Variants in NKTR observed in about 807,000 individuals in gnomAD.
The protein encoded by NKTR is NK-tumor recognition protein.
Under a neutral mutation model 156.3 loss-of-function variants are expected in NKTR, and 67 were observed. The observed-to-expected ratio is 0.43, with a 90% CI of 0.35 to 0.53. The LOEUF is 0.53. Ranked by LOEUF, NKTR falls within the 20% of genes least tolerant of loss-of-function variation. The probability of loss-of-function intolerance (pLI) is 0.01; values close to 1 mark genes in which losing one functional copy is unlikely to be tolerated. For synonymous variants in NKTR, 640 were observed against 596.6 expected (o/e 1.07, Z -1.06); for missense variants, 1,604 against 1,730.9 (o/e 0.93, Z 1.30).
In NKTR at chr3:42,645,979, C is replaced by A. The variant is rs200060605; in HGVS notation, c.*4C>A. On this transcript the variant is annotated 3_prime_UTR_variant, in exon 17 of 17. Transcript: ENST00000232978. Reference sequence around the variant, plus strand: ...TGAGAGCAGCAGATACAGTTGAAAACGTCCGGATACAAATTATATCTTATT... The same window carrying A: ...TGAGAGCAGCAGATACAGTTGAAAAAGTCCGGATACAAATTATATCTTATT... 2 of 1,602,530 alleles carry A rather than the reference C, an allele frequency of 1.2e-6. No homozygotes were observed. The highest frequency in any genetic ancestry group is 1.3e-5 in the African/African-American group (1 of 74,808).
chr3:42,627,050 A>G, intron 6 of NKTR: 3 of 511,030 alleles, frequency 5.9e-6, no homozygotes, highest in South Asian at 8.5e-5. Flanking sequence ...AAGAAAATTT[A>G]GAGCCCTCCA....
intron 16 of NKTR, among the ~76,000 whole-genome samples, chr3:42,644,435 C>T: frequency 6.6e-6 from 1 of 152,112 alleles, no homozygotes; most frequent in Non-Finnish European, 1.5e-5. Flanking sequence ...TAGTAAAATA[C>T]ATTTTTTATG....
chr3:42,620,579 T>C (rs1431798761), intron 5 of NKTR: 8 of 984,870 alleles, frequency 8.1e-6, no homozygotes, highest in African/African-American at 1.7e-5. Context: ...AATCACTTTT[T>C]AAAGTTTTCT....
At chr3:42,608,477 G>A (rs1706455587) in intron 2 of NKTR, among the ~76,000 whole-genome samples, 1 of 152,164 alleles carries the variant, frequency 6.6e-6, no homozygotes, top group South Asian at 2.1e-4. Context: ...AGAGGGTGGG[G>A]AGATGCATGG....
chr3:42,632,898 A>G, intron 9 of NKTR, 75 bp downstream of exon 9: 3 of 1,343,398 alleles, frequency 2.2e-6, no homozygotes, highest in Non-Finnish European at 2.9e-6. Flanking sequence ...ATAATTCTAT[A>G]AACTCAATTT....
rs529172194 is a variant in NKTR, at chr3:42,645,323, G to A, written c.4302-565G>A. Among the ~76,000 whole-genome samples the A allele has an allele frequency of 2.6e-5, 4 of 152,282 alleles. No individual in the cohort carries two copies. The South Asian group carries it at 8.3e-4, about 32-fold the overall frequency. On this transcript the variant is annotated intron_variant, in intron 16 of 16. Transcript: ENST00000232978. ...GAATTTCACACAAATTTCCTAAGATGTGATGTTTCTTTATTTTATCTTAAT... is the reference window on the plus strand; with the variant it reads ...GAATTTCACACAAATTTCCTAAGATATGATGTTTCTTTATTTTATCTTAAT...
chr3:42,641,174 T>A (rs974638525), intron 13 of NKTR, among the ~76,000 whole-genome samples: 1 of 152,158 alleles, frequency 6.6e-6, no homozygotes, highest in African/African-American at 2.4e-5. Flanking sequence ...ACACCCCCAT[T>A]AGGCTGTGAA....
At chr3:42,630,129 T>C in intron 6 of NKTR, 1 of 994,520 alleles carries the variant, frequency 1.0e-6, no homozygotes, top group Non-Finnish European at 1.2e-6. Context: ...AATCACTTTC[T>C]TTCCATAGGG....
At chr3:42,629,853 T>C (rs1708733032) in intron 6 of NKTR, 2 of 985,284 alleles carry the variant, frequency 2.0e-6, no homozygotes, top group African/African-American at 3.5e-5. Context: ...AAGAAGCTGG[T>C]TGGGTGTTTT....
Position 42,634,600 on chromosome 3 carries a change from C to T in NKTR, c.930-13C>T, listed in dbSNP as rs1559579730. 6.9e-7 allele frequency: 1 copy of T among 1,459,642 alleles called. No individual in the cohort carries two copies. Among genetic ancestry groups the T allele is most frequent in the Non-Finnish European group, 9.4e-7 (1 of 1,067,434 alleles). 90.4% of individuals were successfully genotyped at this position (1,459,642 alleles called of 1,614,324 possible). A position where few individuals can be genotyped will look rare whatever the true frequency, so the allele number is the denominator to read the frequency against. Reference sequence around the variant, plus strand: ...GCTTATTTTTAATTTTCATCACAATCTTCTTTTCCTAGGAAGATTCCTGAT... The same window carrying T: ...GCTTATTTTTAATTTTCATCACAATTTTCTTTTCCTAGGAAGATTCCTGAT... On this transcript the variant is annotated splice_polypyrimidine_tract_variant and intron_variant, in intron 10 of 16. Coordinates refer to ENST00000232978, the MANE Select transcript of NKTR (RefSeq NM_005385.4).
intron 2 of NKTR, chr3:42,601,638 G>A (rs1389906344): frequency 6.6e-6 from 1 of 152,140 alleles, no homozygotes; most frequent in Non-Finnish European, 1.5e-5. Context: ...TTTGTCTTTA[G>A]GGAATCCAGA....
intron 12 of NKTR, among the ~76,000 whole-genome samples, chr3:42,635,728 A>C (rs1709339308): frequency 6.6e-6 from 1 of 151,596 alleles, no homozygotes; most frequent in Admixed American, 6.6e-5. Flanking sequence ...GACCACAGTG[A>C]AACCCCATCT....
Position 42,631,252 on chromosome 3 carries a change from CA to C in NKTR, c.487del (p.Arg163AspfsTer19), listed in dbSNP as rs1265317219. 1 of 1,613,914 alleles carries C rather than the reference CA, an allele frequency of 6.2e-7. No homozygotes were observed. Among genetic ancestry groups the C allele is most frequent in the Non-Finnish European group, 8.5e-7 (1 of 1,179,982 alleles). On this transcript the variant is annotated frameshift_variant, in exon 8 of 17. Transcript: ENST00000232978. LOFTEE classifies it high-confidence loss of function. ...IENLKTDAAS[R>X]PYADVRVIDC... ...AAAATCTGAAGACCGATGCTGCAAGCAGACCATATGCAGATGTGCGAGTTAT... is the reference window on the plus strand; with the variant it reads ...AAAATCTGAAGACCGATGCTGCAAGCGACCATATGCAGATGTGCGAGTTAT...
At chr3:42,636,547 T>C (rs1214219212) in intron 12 of NKTR, among the ~76,000 whole-genome samples, 2 of 152,240 alleles carry the variant, frequency 1.3e-5, no homozygotes, top group African/African-American at 4.8e-5. Flanking sequence ...TGTGAGCAGA[T>C]AACAGCCAGG....
chr3:42,636,344 T>C (rs339658), intron 12 of NKTR, among the ~76,000 whole-genome samples: 70,444 of 152,080 alleles, frequency 0.46, 18,905 homozygotes, highest in African/African-American at 0.74. Context: ...TATCTGTTTT[T>C]GTGTACTTTT....
chr3:42,631,164 A>G lies in NKTR; in HGVS notation c.405-7A>G. 1 of 1,613,324 alleles carries G rather than the reference A, an allele frequency of 6.2e-7. No homozygotes were observed. The highest frequency in any genetic ancestry group is 8.5e-7 in the Non-Finnish European group (1 of 1,179,658). On this transcript the variant is annotated splice_polypyrimidine_tract_variant and splice_region_variant and intron_variant, in intron 7 of 16. Transcript: ENST00000232978. ...ACCAGTTGTTTCTTGAATTTGTATT[A>G]TGACAGGGTGCATGTAGTCTTTGGA... is the stretch of plus-strand genomic sequence containing the variant.
chr3:42,617,783 T>A, intron 3 of NKTR, 139 bp downstream of exon 3: 1 of 541,912 alleles, frequency 1.8e-6, no homozygotes, highest in East Asian at 3.0e-5. Flanking sequence ...TTACTTATAC[T>A]GACTTTTATA....
intron 7 of NKTR, chr3:42,630,938 A>T (rs568016947): frequency 1.4e-6 from 2 of 1,391,798 alleles, no homozygotes; most frequent in South Asian, 3.5e-5. Context: ...TTTACCCTAA[A>T]ATGGTTAAGA....
Position 42,634,716 on chromosome 3 carries a change from C to CT in NKTR, c.1017+23dup. Reference sequence around the variant, plus strand: ...GGGCACAATTGTATGTGTGATAAGACTTTTTTTGATATTATGTATCTAATA... The same window carrying CT: ...GGGCACAATTGTATGTGTGATAAGACTTTTTTTTGATATTATGTATCTAATA... On this transcript the variant is annotated intron_variant, in intron 11 of 16. Transcript: ENST00000232978. The CT allele has an allele frequency of 4.2e-6, 6 of 1,432,944 alleles. No individual in the cohort carries two copies. Among genetic ancestry groups the CT allele is most frequent in the Admixed American group, 2.1e-5 (1 of 48,698 alleles). 88.8% of individuals were successfully genotyped at this position (1,432,944 alleles called of 1,614,324 possible). A position where few individuals can be genotyped will look rare whatever the true frequency, so the allele number is the denominator to read the frequency against.
Sources: allele counts gnomAD v4.1 joint callset (sites outside exome capture counted in the v4.1 genomes callset), GRCh38; gene constraint gnomAD v4.1.1; transcripts MANE v1.5; gene names NCBI Gene and HGNC (gene_info 2026-07-23, HGNC 2026-07-21).